Variants in EIPR1 observed in about 807,000 individuals in gnomAD.
EIPR1 encodes the protein EARP complex and GARP complex interacting protein 1.
In EIPR1, 25 loss-of-function variants were observed where a neutral mutation model predicts 48.1. That is an observed-to-expected ratio of 0.52 (90% CI 0.38 to 0.73). The LOEUF is 0.73. EIPR1 is among the 30% of genes least tolerant of loss of function. EIPR1 has a pLI of 0.00. For synonymous variants in EIPR1, 204 were observed against 201.9 expected, an observed-to-expected ratio of 1.01 and a Z score of -0.09; for missense variants, 415 against 506.2, an observed-to-expected ratio of 0.82 and a Z score of 1.73.
chr2:3,275,417 A>G (rs901266114), intron 3 of EIPR1, among the ~76,000 whole-genome samples: 2 of 150,466 alleles, frequency 1.3e-5, no homozygotes, highest in African/African-American at 2.5e-5. Context: ...GAGGAATCCA[A>G]TATCATAGTG....
intron 3 of EIPR1, among the ~76,000 whole-genome samples, chr2:3,326,679 G>A (rs1481826297): frequency 6.6e-6 from 1 of 152,124 alleles, no homozygotes; most frequent in African/African-American, 2.4e-5. Context: ...TTCACTTCCA[G>A]GACACTGCAG....
intron 3 of EIPR1, among the ~76,000 whole-genome samples, chr2:3,296,483 C>A (rs1432577416): frequency 6.9e-6 from 1 of 144,864 alleles, no homozygotes; most frequent in African/African-American, 2.6e-5. Flanking sequence ...CCATCCAACC[C>A]ATCCTCTCCA....
chr2:3,348,326 C>T (rs1391453911), intron 2 of EIPR1, among the ~76,000 whole-genome samples: 1 of 152,170 alleles, frequency 6.6e-6, no homozygotes, highest in Non-Finnish European at 1.5e-5. Flanking sequence ...GTCACCATGG[C>T]ACTCCCAGAG....
intron 3 of EIPR1, among the ~76,000 whole-genome samples, chr2:3,307,940 C>T (rs961582407): frequency 6.6e-6 from 1 of 152,170 alleles, no homozygotes; most frequent in African/African-American, 2.4e-5. Context: ...CAAAATATCA[C>T]ATGTACCTCC....
At chr2:3,192,331 C>A in intron 8 of EIPR1, 83 bp downstream of exon 8, 2 of 1,448,614 alleles carry the variant, frequency 1.4e-6, no homozygotes, top group Non-Finnish European at 9.1e-7. Flanking sequence ...AAACTTTCTA[C>A]ATACACAGCC....
intron 3 of EIPR1, among the ~76,000 whole-genome samples, chr2:3,293,317 G>A (rs1182540085): frequency 2.0e-5 from 3 of 152,056 alleles, no homozygotes; most frequent in African/African-American, 7.2e-5. Context: ...GCTCCTCCAG[G>A]AGGCCCTTGG....
chr2:3,300,136 T>C (rs1300598609), intron 3 of EIPR1, among the ~76,000 whole-genome samples: 2 of 152,244 alleles, frequency 1.3e-5, no homozygotes, highest in African/African-American at 4.8e-5. Flanking sequence ...CAATTTCATA[T>C]AATTCAACCC....
At chr2:3,337,732 A>G (rs1484492283) in intron 3 of EIPR1, among the ~76,000 whole-genome samples, 1 of 152,174 alleles carries the variant, frequency 6.6e-6, no homozygotes, top group Non-Finnish European at 1.5e-5. Context: ...CCACATCAGG[A>G]CACTTGTGTC....
rs370753467 is a variant in EIPR1, at chr2:3,296,527, C to T, written c.260-39072G>A. Among the ~76,000 whole-genome samples the T allele has an allele frequency of 1.5e-4, 23 of 149,012 alleles. No individual in the cohort carries two copies. In the East Asian group the frequency reaches 4.4e-3, roughly 28 times the overall value. ...CTCCAACCAGCCCATCCTCTCTACA[C>T]ACACACCCTCCATCCAGTCCATCCT... is the stretch of plus-strand genomic sequence containing the variant. On this transcript the variant is annotated intron_variant, in intron 3 of 8. Transcript: ENST00000382125.
At chr2:3,219,973 A>T (rs1414125793) in intron 4 of EIPR1, among the ~76,000 whole-genome samples, 1 of 152,194 alleles carries the variant, frequency 6.6e-6, no homozygotes, top group Non-Finnish European at 1.5e-5. Context: ...TTACAGCCTG[A>T]GCTCTGTCTC....
chr2:3,273,645 T>C (rs1442514296), intron 3 of EIPR1, among the ~76,000 whole-genome samples: 1 of 151,322 alleles, frequency 6.6e-6, no homozygotes, highest in Non-Finnish European at 1.5e-5. Flanking sequence ...AATTTACTGG[T>C]GTGGTCCAGG....
At chr2:3,292,554 G>T (rs1391214085) in intron 3 of EIPR1, among the ~76,000 whole-genome samples, 1 of 152,204 alleles carries the variant, frequency 6.6e-6, no homozygotes, top group African/African-American at 2.4e-5. Flanking sequence ...AGGTGCTGCT[G>T]TCCCTCTTTT....
chr2:3,237,533 C>A (rs1160439080), intron 4 of EIPR1, among the ~76,000 whole-genome samples: 1 of 152,126 alleles, frequency 6.6e-6, no homozygotes, highest in East Asian at 1.9e-4. Flanking sequence ...AAGCACTGTA[C>A]GTCTGGGGTT....
intron 3 of EIPR1, among the ~76,000 whole-genome samples, chr2:3,314,206 A>G (rs1669215871): frequency 6.6e-6 from 1 of 152,166 alleles, no homozygotes; most frequent in Admixed American, 6.5e-5. Context: ...CTCTGCTGAA[A>G]AATTCATCCC....
chr2:3,208,409 C>T (rs181698458), intron 5 of EIPR1: 9 of 1,451,378 alleles, frequency 6.2e-6, no homozygotes, highest in African/African-American at 1.4e-5. Flanking sequence ...AGATCTGGCA[C>T]TCAGACCACG....
intron 4 of EIPR1, among the ~76,000 whole-genome samples, chr2:3,226,172 G>A (rs1261205772): frequency 6.6e-6 from 1 of 152,194 alleles, no homozygotes; most frequent in Non-Finnish European, 1.5e-5. Context: ...GGACTGCTGG[G>A]TTGTAGCTCT....
At chr2:3,354,519 T>G (rs1342613998) in intron 2 of EIPR1, 31 bp downstream of exon 2, 3 of 1,591,792 alleles carry the variant, frequency 1.9e-6, no homozygotes, top group Non-Finnish European at 2.6e-6. Flanking sequence ...GCTTAGTAAT[T>G]ATCATGTATA....
At chr2:3,343,722 G>A (rs1356818785) in intron 2 of EIPR1, among the ~76,000 whole-genome samples, 4 of 152,138 alleles carry the variant, frequency 2.6e-5, no homozygotes, top group African/African-American at 4.8e-5. Context: ...TGCAAGAATC[G>A]GGGCTTGGAG....
intron 3 of EIPR1, among the ~76,000 whole-genome samples, chr2:3,272,503 G>T (rs148049185): frequency 6.6e-6 from 1 of 152,148 alleles, no homozygotes; most frequent in African/African-American, 2.4e-5. Flanking sequence ...CTTCAATAAC[G>T]TTGTTCTCAG....
Sources: gnomAD v4.1 joint callset for allele counts (sites outside exome capture counted in the v4.1 genomes callset) on GRCh38, gnomAD v4.1.1 for gene constraint, MANE v1.5 for transcripts, NCBI Gene and HGNC (gene_info 2026-07-23, HGNC 2026-07-21) for gene names.